The following GRK5 variants were observed in gnomAD, a reference collection of about 807,000 sequenced individuals.
GRK5 encodes the protein G protein-coupled receptor kinase 5, also known as g protein-coupled receptor kinase GRK5.
GRK5 carries 40 observed loss-of-function variants against 78.4 expected under a neutral mutation model. The ratio of observed to expected loss-of-function variants is 0.51; its 90% CI spans 0.40 to 0.66. The LOEUF is 0.66. Ranked by LOEUF, GRK5 falls within the 30% of genes least tolerant of loss-of-function variation. The pLI is 0.00. For missense variants in GRK5, 598 were observed against 759.9 expected (o/e 0.79, Z 2.50); for synonymous variants, 289 against 296.8 (o/e 0.97, Z 0.27).
At chr10:119,249,345 T>C (rs1346314444) in intron 1 of GRK5, among the ~76,000 whole-genome samples, 1 of 152,156 alleles carries the variant, frequency 6.6e-6, no homozygotes, top group Non-Finnish European at 1.5e-5. Context: ...ACTTAATATA[T>C]ATATCAAATA....
chr10:119,457,885 G>C lies in GRK5; in HGVS notation c.*2818G>C, dbSNP rs552400046. 1 of 150,758 alleles carries C rather than the reference G, an allele frequency of 6.6e-6. No homozygotes were observed. Among genetic ancestry groups the C allele is most frequent in the East Asian group, 2.0e-4 (1 of 5,124 alleles). 9.3% of individuals were successfully genotyped at this position (150,758 alleles called of 1,614,324 possible). A position where few individuals can be genotyped will look rare whatever the true frequency, so the allele number is the denominator to read the frequency against. On this transcript the variant is annotated 3_prime_UTR_variant, in exon 16 of 16. Coordinates refer to ENST00000392870, the MANE Select transcript of GRK5 (RefSeq NM_005308.3). Reference sequence around the variant, plus strand: ...AAATTTTTTGTAGAGATGGGGGGGGGGTCTCCCCATGTTGCCCAGGCTGGC... The same window carrying C: ...AAATTTTTTGTAGAGATGGGGGGGGCGTCTCCCCATGTTGCCCAGGCTGGC...
intron 4 of GRK5, among the ~76,000 whole-genome samples, chr10:119,422,848 G>A (rs1162915749): frequency 6.6e-6 from 1 of 152,204 alleles, no homozygotes; most frequent in Non-Finnish European, 1.5e-5. Flanking sequence ...TTGCAGATGA[G>A]GAATGAGGCT....
intron 15 of GRK5, among the ~76,000 whole-genome samples, chr10:119,454,471 C>A (rs1853360229): frequency 6.6e-6 from 1 of 152,228 alleles, no homozygotes; most frequent in African/African-American, 2.4e-5. Context: ...ATGAAGGGCC[C>A]AGCACTCACG....
intron 1 of GRK5, among the ~76,000 whole-genome samples, chr10:119,273,841 T>A (rs1414394452): frequency 6.6e-6 from 1 of 152,162 alleles, no homozygotes. Context: ...TGGTGCAGTC[T>A]CAGCTCACTG....
intron 11 of GRK5, among the ~76,000 whole-genome samples, chr10:119,442,694 C>T (rs566599134): frequency 3.3e-4 from 50 of 152,340 alleles, no homozygotes; most frequent in Non-Finnish European, 5.4e-4. Flanking sequence ...GGCGCGTGCC[C>T]GGGGAGCAGG....
At chr10:119,437,676 C>G (rs992740794) in intron 9 of GRK5, among the ~76,000 whole-genome samples, 6 of 152,164 alleles carry the variant, frequency 3.9e-5, no homozygotes, top group South Asian at 2.1e-4. Flanking sequence ...TCCATCCCCC[C>G]AGAATGTTAA....
rs181817340 is a variant in GRK5 at position 119,228,836 on chromosome 10, C to T, written c.52+20867C>T. 2.5e-3 allele frequency among the ~76,000 whole-genome samples: 377 copies of T among 152,136 alleles called. 5 individuals carry two copies. The South Asian group carries it at 0.027, about 11-fold the overall frequency. On this transcript the variant is annotated intron_variant, in intron 1 of 15. Transcript: ENST00000392870. The stretch of plus-strand genomic sequence containing the variant: ...TGAGAGGACTGTACAGAAATAAAAT[C>T]CTTAAAGAAAAGTAAACATGCCAGG...
chr10:119,265,512 GCT>G (rs1269793532), intron 1 of GRK5, among the ~76,000 whole-genome samples: 1 of 152,150 alleles, frequency 6.6e-6, no homozygotes, highest in Non-Finnish European at 1.5e-5. Context: ...ACCAGAGCTC[GCT>G]CTCTCTACCA....
At chr10:119,365,829 A>T (rs291968) in intron 2 of GRK5, among the ~76,000 whole-genome samples, 4 of 152,256 alleles carry the variant, frequency 2.6e-5, no homozygotes, top group African/African-American at 7.2e-5. Context: ...CAGACAAGGC[A>T]CTCCGCTTCC....
chr10:119,229,658 A>T (rs17449), intron 1 of GRK5, among the ~76,000 whole-genome samples: 1 of 152,126 alleles, frequency 6.6e-6, no homozygotes, highest in African/African-American at 2.4e-5. Context: ...CAGGTACATG[A>T]TCAACTCCAT....
chr10:119,332,840 A>G (rs1850806384), intron 2 of GRK5, among the ~76,000 whole-genome samples: 1 of 152,168 alleles, frequency 6.6e-6, no homozygotes, highest in Non-Finnish European at 1.5e-5. Flanking sequence ...TTTTTCTTCC[A>G]GGGGACTTTA....
chr10:119,341,367 A>G (rs1850977559), intron 2 of GRK5, among the ~76,000 whole-genome samples: 1 of 152,182 alleles, frequency 6.6e-6, no homozygotes. Flanking sequence ...GCCCTTGCTG[A>G]CTGCTTCAGC....
intron 4 of GRK5, among the ~76,000 whole-genome samples, chr10:119,398,292 T>C (rs1334676151): frequency 6.6e-6 from 1 of 152,216 alleles, no homozygotes; most frequent in Non-Finnish European, 1.5e-5. Flanking sequence ...CATAAACACA[T>C]GCCCTGAGCT....
intron 3 of GRK5, among the ~76,000 whole-genome samples, chr10:119,385,580 C>T (rs546871094): frequency 2.6e-4 from 40 of 152,178 alleles, no homozygotes; most frequent in Non-Finnish European, 3.4e-4. Flanking sequence ...TAGCCCCTGG[C>T]GGTGGTGAGA....
chr10:119,308,158 C>G (rs1177366503), intron 1 of GRK5, among the ~76,000 whole-genome samples: 1 of 152,094 alleles, frequency 6.6e-6, no homozygotes, highest in Non-Finnish European at 1.5e-5. Flanking sequence ...CTCCCCAGGT[C>G]CTTGCAGGAA....
chr10:119,257,245 C>T (rs1589705638), intron 1 of GRK5, among the ~76,000 whole-genome samples: 1 of 152,156 alleles, frequency 6.6e-6, no homozygotes, highest in African/African-American at 2.4e-5. Flanking sequence ...CAGTGTTCTC[C>T]ACCTGTAGGC....
Position 119,430,535 on chromosome 10 carries a change from C to A in GRK5, c.597+97C>A. The A allele has an allele frequency of 9.2e-7, 1 of 1,082,494 alleles. No homozygotes were observed. The highest frequency in any genetic ancestry group is 1.4e-5 in the South Asian group (1 of 69,902). 67.1% of individuals were successfully genotyped at this position (1,082,494 alleles called of 1,614,324 possible). A position where few individuals can be genotyped will look rare whatever the true frequency, so the allele number is the denominator to read the frequency against. On this transcript the variant is annotated intron_variant, in intron 7 of 15. Transcript: ENST00000392870. The surrounding 1 kb of genome is among the most constrained non-coding windows in gnomAD (Gnocchi z 4.5). ...ACCTAAAGGGTTGGCCCACGGGTCC[C>A]CCGGGGGCACCAGTGGCTCAATGTG...
intron 2 of GRK5, among the ~76,000 whole-genome samples, chr10:119,339,010 A>G (rs1850938940): frequency 6.6e-6 from 1 of 152,224 alleles, no homozygotes; most frequent in South Asian, 2.1e-4. Context: ...GAAGGCCAGA[A>G]CACAGCAGCC....
chr10:119,242,858 G>A (rs545018558), intron 1 of GRK5, among the ~76,000 whole-genome samples: 7 of 150,890 alleles, frequency 4.6e-5, no homozygotes, highest in Middle Eastern at 3.4e-3. Flanking sequence ...AGCTCCCCCC[G>A]CCCCCAGCCA....
Sources: allele counts gnomAD v4.1 joint callset (sites outside exome capture counted in the v4.1 genomes callset), GRCh38; gene constraint gnomAD v4.1.1; non-coding constraint Gnocchi (gnomAD v3.1); transcripts MANE v1.5; gene names NCBI Gene and HGNC (gene_info 2026-07-23, HGNC 2026-07-21).